Variants in AOPEP observed in about 807,000 individuals in gnomAD.
AOPEP encodes the protein aminopeptidase O.
Under a neutral mutation model 98.1 loss-of-function variants are expected in AOPEP, and 77 were observed. The observed-to-expected ratio is 0.78, with a 90% CI of 0.65 to 0.95. The LOEUF is 0.95. Among genes scored for constraint, AOPEP ranks in the 40% least tolerant of loss-of-function variants. The pLI is 0.00. For missense variants in AOPEP, 1,024 were observed against 1,024.7 expected (o/e 1.00, Z 0.01); for synonymous variants, 346 against 365.3 (o/e 0.95, Z 0.60).
intron 4 of AOPEP, among the ~76,000 whole-genome samples, chr9:94,795,340 G>A (rs1468265198): frequency 6.6e-6 from 1 of 152,050 alleles, no homozygotes; most frequent in Admixed American, 6.5e-5. Flanking sequence ...GGAGTGTGTT[G>A]TGTTGGAACA....
chr9:94,859,434 T>G (rs2044656328), intron 5 of AOPEP, among the ~76,000 whole-genome samples: 1 of 152,250 alleles, frequency 6.6e-6, no homozygotes, highest in African/African-American at 2.4e-5. Context: ...CATGTGTGAT[T>G]GCATTTAGGG....
At chr9:95,102,178 G>A in the AOPEP span, among the ~76,000 whole-genome samples, 206 of 152,336 alleles carry the variant, frequency 1.4e-3, 2 homozygotes, top group Admixed American at 0.013. Flanking sequence ...GTCACAAGTT[G>A]TGGGATGATC....
chr9:95,139,556 G>A, the AOPEP span, among the ~76,000 whole-genome samples: 9 of 152,162 alleles, frequency 5.9e-5, no homozygotes, highest in Non-Finnish European at 1.0e-4. Context: ...CTCGTGCCAC[G>A]GAGTATGCCC....
intron 7 of AOPEP, among the ~76,000 whole-genome samples, chr9:94,940,796 G>C (rs946661565): frequency 6.6e-6 from 1 of 151,962 alleles, no homozygotes; most frequent in African/African-American, 2.4e-5. Flanking sequence ...TCCTCAGCCT[G>C]GCTCGTCCCC....
chr9:95,005,976 C>T (rs960652693), intron 13 of AOPEP: 4 of 487,238 alleles, frequency 8.2e-6, no homozygotes, highest in South Asian at 1.6e-5. Context: ...ATTAGGTTTC[C>T]ATGCTGTACT....
At chr9:94,866,578 T>A (rs182364171) in intron 5 of AOPEP, among the ~76,000 whole-genome samples, 1 of 152,334 alleles carries the variant, frequency 6.6e-6, no homozygotes, top group East Asian at 1.9e-4. Context: ...TCAAGGAAGC[T>A]ACCTTTCAAA....
At chr9:94,936,100 G>A (rs1044540521) in intron 7 of AOPEP, among the ~76,000 whole-genome samples, 3 of 152,256 alleles carry the variant, frequency 2.0e-5, no homozygotes, top group Admixed American at 2.0e-4. Flanking sequence ...GCTTGTAGCA[G>A]TCCAACAGCC....
chr9:94,857,179 A>G (rs1258196489), intron 5 of AOPEP, among the ~76,000 whole-genome samples: 1 of 152,210 alleles, frequency 6.6e-6, no homozygotes, highest in African/African-American at 2.4e-5. Context: ...GTCTCTGTGA[A>G]GATTCAGCAA....
chr9:94,881,143 A>G (rs940744051), intron 5 of AOPEP, among the ~76,000 whole-genome samples: 4 of 152,154 alleles, frequency 2.6e-5, no homozygotes, highest in African/African-American at 9.7e-5. Flanking sequence ...CTTGGTTGGA[A>G]TTTAATAGAC....
intron 13 of AOPEP, among the ~76,000 whole-genome samples, chr9:95,032,975 G>A (rs990180103): frequency 6.6e-6 from 1 of 152,182 alleles, no homozygotes; most frequent in Non-Finnish European, 1.5e-5. Context: ...GTTCATTTTA[G>A]AATGGCTGTT....
At chr9:94,743,414 G>C (rs1833719299) in intron 1 of AOPEP, among the ~76,000 whole-genome samples, 2 of 152,206 alleles carry the variant, frequency 1.3e-5, no homozygotes, top group African/African-American at 2.4e-5. Flanking sequence ...ATGTTTGAAA[G>C]TAAACTTGTA....
intron 12 of AOPEP, 65 bp from the exon 13 acceptor site, chr9:95,005,477 G>T: frequency 6.8e-7 from 1 of 1,471,884 alleles, no homozygotes. Flanking sequence ...CTGCTTTCTC[G>T]CGCTGGGGGA....
intron 5 of AOPEP, among the ~76,000 whole-genome samples, chr9:94,867,952 A>G (rs1304008507): frequency 6.6e-6 from 1 of 152,206 alleles, no homozygotes; most frequent in African/African-American, 2.4e-5. Context: ...GGACAGAGTA[A>G]CATGTTTATA....
chr9:95,146,317 T>C, the AOPEP span, among the ~76,000 whole-genome samples: 1 of 151,332 alleles, frequency 6.6e-6, no homozygotes, highest in African/African-American at 2.4e-5. Flanking sequence ...TGAAATGCCG[T>C]CTCTACCGAA....
In AOPEP at chr9:94,924,176, G is replaced by T. The variant is rs947818822; in HGVS notation, c.1554+1G>T. On this transcript the variant is annotated splice_donor_variant, in intron 6 of 16. Transcript: ENST00000375315. LOFTEE classifies it high-confidence loss of function. The stretch of plus-strand genomic sequence containing the variant: ...TGTGTTTTGGGCCACAGCACAGCAG[G>T]TGGGTTAAAGTGACCCTAAGTATTT... 1.1e-5 allele frequency: 15 copies of T among 1,369,354 alleles called. No homozygotes were observed. Among genetic ancestry groups the T allele is most frequent in the Non-Finnish European group, 1.1e-5 (12 of 1,051,004 alleles). 84.8% of individuals were successfully genotyped at this position (1,369,354 alleles called of 1,614,324 possible).
intron 10 of AOPEP, among the ~76,000 whole-genome samples, chr9:94,968,379 G>A (rs936818299): frequency 5.9e-5 from 9 of 152,106 alleles, no homozygotes; most frequent in Admixed American, 2.6e-4. Flanking sequence ...CTCCCAAGTA[G>A]CTGGGACTAC....
At chr9:95,028,076 T>C (rs1022749246) in intron 13 of AOPEP, among the ~76,000 whole-genome samples, 4 of 152,212 alleles carry the variant, frequency 2.6e-5, no homozygotes, top group Admixed American at 1.3e-4. Flanking sequence ...GCATGCAGTC[T>C]GTCAAGAGGA....
At chr9:94,992,622 A>G (rs756224831) in intron 11 of AOPEP, among the ~76,000 whole-genome samples, 4 of 152,166 alleles carry the variant, frequency 2.6e-5, no homozygotes, top group Non-Finnish European at 4.4e-5. Context: ...TCCATTAAAT[A>G]CCAGCTTTGG....
chr9:94,947,543 C>T (rs2057774135), intron 7 of AOPEP, among the ~76,000 whole-genome samples: 1 of 152,212 alleles, frequency 6.6e-6, no homozygotes, highest in Admixed American at 6.5e-5. Context: ...CACCCAGCCC[C>T]ATATTTCATT....
Sources: allele counts gnomAD v4.1 joint callset (sites outside exome capture counted in the v4.1 genomes callset), GRCh38; gene constraint gnomAD v4.1.1; transcripts MANE v1.5; gene names NCBI Gene and HGNC (gene_info 2026-07-23, HGNC 2026-07-21).